KIF14: variants seen among roughly 807,000 people sequenced by gnomAD.
The protein encoded by KIF14 is kinesin family member 14, also known as kinesin-like protein KIF14.
A neutral mutation model predicts 176.2 loss-of-function variants in KIF14; 98 were observed. The ratio of observed to expected loss-of-function variants is 0.56; its 90% CI spans 0.47 to 0.66. KIF14 has a LOEUF of 0.66. KIF14 is among the 30% of genes least tolerant of loss of function. The pLI, the probability that KIF14 is intolerant of heterozygous loss-of-function variation, is 0.00. For missense variants in KIF14, 1,751 were observed against 1,920.4 expected (o/e 0.91, Z 1.65); for synonymous variants, 566 against 632.2 (o/e 0.90, Z 1.57).
intron 23 of KIF14, among the ~76,000 whole-genome samples, chr1:200,567,678 TG>T (rs2102601112): frequency 6.6e-6 from 1 of 152,262 alleles, no homozygotes; most frequent in South Asian, 2.1e-4. Flanking sequence ...AACTTTATCC[TG>T]GAGTCCTAAT....
In KIF14 at chr1:200,608,942, A is replaced by T; in HGVS notation, c.1456-14T>A. On this transcript the variant is annotated splice_polypyrimidine_tract_variant and intron_variant, in intron 4 of 29. Transcript: ENST00000367350. ...GTGATAGCTGACCTAGTAGGAATAG[A>T]AACACAGCATATAATTTATTTTGAT... 7.1e-7 allele frequency: 1 copy of T among 1,414,268 alleles called. No homozygotes were observed. Among genetic ancestry groups the T allele is most frequent in the African/African-American group, 1.4e-5 (1 of 70,938 alleles). 87.6% of individuals were successfully genotyped at this position (1,414,268 alleles called of 1,614,324 possible).
At chr1:200,569,114 A>T (rs1657636813) in intron 23 of KIF14, among the ~76,000 whole-genome samples, 1 of 151,850 alleles carries the variant, frequency 6.6e-6, no homozygotes, top group African/African-American at 2.4e-5. Context: ...TAGTAGAGAC[A>T]GGGTTTCTCC....
chr1:200,577,430 T>C (rs1658181749), intron 21 of KIF14, among the ~76,000 whole-genome samples: 1 of 152,108 alleles, frequency 6.6e-6, no homozygotes, highest in African/African-American at 2.4e-5. Flanking sequence ...AGTGTTGAGA[T>C]TAAAAGCGTG....
chr1:200,617,600 G>C lies in KIF14; in HGVS notation c.1112+12C>G. 6.3e-7 allele frequency: 1 copy of C among 1,577,408 alleles called. No homozygotes were observed. The highest frequency in any genetic ancestry group is 8.6e-7 in the Non-Finnish European group (1 of 1,161,586). ...AACTGCTTGGCTTTAGATTTTAAAA[G>C]GCATCACATACCTCTTGGTGAAAGG... On this transcript the variant is annotated intron_variant, in intron 2 of 29. Coordinates refer to ENST00000367350, the MANE Select transcript of KIF14 (RefSeq NM_014875.3).
At position 200,571,365 on chromosome 1, in the gene KIF14, G is replaced by T. The variant is rs144077847; in HGVS notation, c.3567-1360C>A. ...CCAATTTCTGCTTTGAGTTTGCTTG[G>T]CTGCCTAAGCTGTTATTTTCTTTCT... On this transcript the variant is annotated intron_variant, in intron 22 of 29. Coordinates refer to ENST00000367350, the MANE Select transcript of KIF14 (RefSeq NM_014875.3). Among the ~76,000 whole-genome samples the T allele has an allele frequency of 5.5e-4, 82 of 149,998 alleles. 1 individual carries two copies. In the East Asian group the frequency reaches 0.012, roughly 22 times the overall value.
chr1:200,569,200 C>T (rs1227800485), intron 23 of KIF14, among the ~76,000 whole-genome samples: 1 of 152,156 alleles, frequency 6.6e-6, no homozygotes, highest in South Asian at 2.1e-4. Context: ...GCTAGGATTA[C>T]AGACGTGAGC....
chr1:200,602,254 C>A (rs1659663129), intron 10 of KIF14, among the ~76,000 whole-genome samples, 186 bp from the exon 11 acceptor site: 1 of 152,130 alleles, frequency 6.6e-6, no homozygotes, highest in African/African-American at 2.4e-5. Context: ...TTCTCTCTTA[C>A]ACTTTTTATA....
At chr1:200,577,715 GA>G (rs907304890) in intron 21 of KIF14, among the ~76,000 whole-genome samples, 76 of 131,488 alleles carry the variant, frequency 5.8e-4, no homozygotes, top group Admixed American at 6.6e-4. Context: ...AAGAAAAAAA[GA>G]AAAAAAAAAA....
At chr1:200,578,500 T>TG (rs1164380183) in intron 21 of KIF14, among the ~76,000 whole-genome samples, 2 of 152,114 alleles carry the variant, frequency 1.3e-5, no homozygotes, top group African/African-American at 4.8e-5. Context: ...TTAGATAATA[T>TG]GAACTTTAAA....
At chr1:200,590,862 A>C (rs1223933107) in intron 16 of KIF14, among the ~76,000 whole-genome samples, 1 of 152,038 alleles carries the variant, frequency 6.6e-6, no homozygotes, top group African/African-American at 2.4e-5. Context: ...CCATCTCTAC[A>C]AAAAAATTCA....
chr1:200,590,903 A>G (rs983464368), intron 16 of KIF14, among the ~76,000 whole-genome samples: 1 of 152,060 alleles, frequency 6.6e-6, no homozygotes, highest in African/African-American at 2.4e-5. Flanking sequence ...GTGTGCGCCT[A>G]TAGTCTCACA....
chr1:200,586,349 T>C, intron 18 of KIF14, 122 bp from the exon 19 acceptor site: 1 of 759,530 alleles, frequency 1.3e-6, no homozygotes, highest in Non-Finnish European at 2.0e-6. Flanking sequence ...TTACAATTTA[T>C]ATACCCCATA....
At chr1:200,608,226 T>A (rs1400842814) in intron 5 of KIF14, among the ~76,000 whole-genome samples, 1 of 152,182 alleles carries the variant, frequency 6.6e-6, no homozygotes, top group Non-Finnish European at 1.5e-5. Flanking sequence ...CTATTAGGGA[T>A]CTGGTGTTCA....
rs186968526 is a variant in KIF14, at chr1:200,554,395, A to C, written c.4567+73T>G. On this transcript the variant is annotated intron_variant, in intron 29 of 29. Coordinates refer to ENST00000367350, the MANE Select transcript of KIF14 (RefSeq NM_014875.3). ...GACAGAGCGAGACTCCATCTCAAAAAAAAAAAGGAAAGATGTCTAAGGTTC... is the reference window on the plus strand; with the variant it reads ...GACAGAGCGAGACTCCATCTCAAAACAAAAAAGGAAAGATGTCTAAGGTTC... The C allele has an allele frequency of 5.2e-4, 577 of 1,099,930 alleles. 2 individuals are homozygous for C. In the African/African-American group the frequency reaches 6.3e-3, roughly 12 times the overall value. 68.1% of individuals were successfully genotyped at this position (1,099,930 alleles called of 1,614,324 possible).
chr1:200,562,142 A>G (rs1470506976), intron 25 of KIF14, among the ~76,000 whole-genome samples: 3 of 152,230 alleles, frequency 2.0e-5, no homozygotes, highest in Non-Finnish European at 4.4e-5. Context: ...AACCATACTT[A>G]GTAGAAAGTG....
chr1:200,553,477 C>T lies in KIF14; in HGVS notation c.4858G>A (p.Gly1620Ser). 1.2e-6 allele frequency: 2 copies of T among 1,614,024 alleles called. No homozygotes were observed. The highest frequency in any genetic ancestry group is 1.7e-6 in the Non-Finnish European group (2 of 1,180,014). ...AGCTCATAGACACGCTTTGGTACAC[C>T]TTTATTCTTACTGCCGTCAATCCCG... is the stretch of plus-strand genomic sequence containing the variant. ...SSGIDGSKNK[G>S]VPKRVYELHG... The change falls in exon 30 of 30, where the codon GGT becomes AGT. Residue 1620 changes from glycine to serine, a missense_variant. Physicochemically the swap from Gly to Ser is moderately conservative, Grantham distance 56. Transcript: ENST00000367350.
chr1:200,587,598 A>C (rs751348930), intron 18 of KIF14, among the ~76,000 whole-genome samples: 3 of 152,118 alleles, frequency 2.0e-5, no homozygotes, highest in Non-Finnish European at 4.4e-5. Context: ...GAGAATCATG[A>C]GGTCAAGAGT....
chr1:200,581,401 G>A (rs1027059477), intron 19 of KIF14, 107 bp from the exon 20 acceptor site: 3 of 530,580 alleles, frequency 5.7e-6, no homozygotes, highest in East Asian at 3.1e-5. Context: ...TAAATGAATG[G>A]TTTTAACTCT....
At chr1:200,591,938 C>G in intron 16 of KIF14, 142 bp downstream of exon 16, 1 of 617,964 alleles carries the variant, frequency 1.6e-6, no homozygotes, top group Non-Finnish European at 2.8e-6. Flanking sequence ...ATTTGGTGAA[C>G]TAATGAATGT....
Sources: allele counts gnomAD v4.1 joint callset (sites outside exome capture counted in the v4.1 genomes callset), GRCh38; gene constraint gnomAD v4.1.1; transcripts MANE v1.5; gene names NCBI Gene and HGNC (gene_info 2026-07-23, HGNC 2026-07-21).